AGBL1: variants seen among roughly 807,000 people sequenced by gnomAD.
AGBL1 encodes AGBL carboxypeptidase 1.
In AGBL1, 130 loss-of-function variants were observed where a neutral mutation model predicts 118.9. That is an observed-to-expected ratio of 1.09 (90% confidence interval 0.95 to 1.26). The LOEUF is 1.26. Ranked by LOEUF, AGBL1 falls within the 50% of genes most tolerant of loss-of-function variation. AGBL1 has a pLI of 0.00. For missense variants in AGBL1, 1,584 were observed against 1,298.1 expected, an observed-to-expected ratio of 1.22 and a Z score of -3.38; for synonymous variants, 555 against 478.9, an observed-to-expected ratio of 1.16 and a Z score of -2.08.
chr15:86,954,776 C>T (rs774254335), intron 23 of AGBL1, among the ~76,000 whole-genome samples: 1 of 152,152 alleles, frequency 6.6e-6, no homozygotes, highest in Non-Finnish European at 1.5e-5. Flanking sequence ...CAATCATGCC[C>T]ATGAACCCTC....
chr15:86,729,792 G>A (rs2077504032), intron 22 of AGBL1, among the ~76,000 whole-genome samples: 1 of 152,172 alleles, frequency 6.6e-6, no homozygotes, highest in African/African-American at 2.4e-5. Flanking sequence ...TATATACTCA[G>A]TAATGGGATT....
intron 5 of AGBL1, among the ~76,000 whole-genome samples, chr15:86,160,152 A>G (rs1311115947): frequency 1.5e-5 from 2 of 135,296 alleles, no homozygotes; most frequent in African/African-American, 5.6e-5. Flanking sequence ...AGGAGGGGTC[A>G]GTGTTCTATG....
chr15:86,766,290 A>C (rs1359587992), intron 22 of AGBL1, among the ~76,000 whole-genome samples: 1 of 151,872 alleles, frequency 6.6e-6, no homozygotes, highest in East Asian at 1.9e-4. Flanking sequence ...TTTTATGTTT[A>C]ATGCAATTTA....
intron 7 of AGBL1, among the ~76,000 whole-genome samples, chr15:86,255,166 G>C (rs1437022730): frequency 1.3e-5 from 2 of 152,104 alleles, no homozygotes; most frequent in African/African-American, 2.4e-5. Flanking sequence ...CTCTACCAAG[G>C]TTGGAGCTTA....
intron 22 of AGBL1, among the ~76,000 whole-genome samples, chr15:86,881,547 G>A (rs1422431277): frequency 5.3e-5 from 8 of 152,122 alleles, no homozygotes; most frequent in Admixed American, 2.0e-4. Context: ...ACACCTTGCC[G>A]AGGTTACTGT....
chr15:86,123,827 G>C (rs1269368219), intron 1 of AGBL1, among the ~76,000 whole-genome samples: 1 of 152,170 alleles, frequency 6.6e-6, no homozygotes, highest in Non-Finnish European at 1.5e-5. Flanking sequence ...CTGTTCACTT[G>C]TATTTGGTTC....
intron 21 of AGBL1, among the ~76,000 whole-genome samples, chr15:86,588,985 A>G (rs1036082094): frequency 6.6e-6 from 1 of 151,972 alleles, no homozygotes; most frequent in Non-Finnish European, 1.5e-5. Context: ...CACAATTTTT[A>G]TTTTTTATGT....
chr15:86,649,700 TG>T (rs1406884111), intron 21 of AGBL1, among the ~76,000 whole-genome samples: 2 of 143,634 alleles, frequency 1.4e-5, no homozygotes, highest in African/African-American at 5.6e-5. Flanking sequence ...AGGATTAATT[TG>T]GGTTTTTTTT....
In AGBL1 at chr15:86,690,265, A is replaced by C. The variant is rs75827925; in HGVS notation, c.3158+15829A>C. Among the ~76,000 whole-genome samples, 15 of 152,238 alleles carry C rather than the reference A, an allele frequency of 9.9e-5. No individual in the cohort carries two copies. In the East Asian group the frequency reaches 2.7e-3, roughly 28 times the overall value. ...TTTATTAATCTCTGATACTACAAAG[A>C]CCTGTCTGATGATCACAGATGCCCC... On this transcript the variant is annotated intron_variant, in intron 22 of 22. Coordinates refer to ENST00000614907, the MANE Select transcript of AGBL1 (RefSeq NM_001386094.1).
chr15:86,211,440 C>T lies in AGBL1; in HGVS notation c.489-13474C>T, dbSNP rs141561088. ...CTTTTGTTCAGCTACGCCCTGCCCC[C>T]AGAGCTGGGGTCTACAGAGGCAGCA... On this transcript the variant is annotated intron_variant, in intron 5 of 22. Transcript: ENST00000614907. Among the ~76,000 whole-genome samples the T allele has an allele frequency of 8.0e-3, 1,219 of 152,340 alleles. 15 individuals carry two copies. Among genetic ancestry groups the T allele is most frequent in the African/African-American group, 0.028 (1,162 of 41,580 alleles).
chr15:86,778,098 G>T (rs2078284338), intron 22 of AGBL1, among the ~76,000 whole-genome samples: 1 of 152,226 alleles, frequency 6.6e-6, no homozygotes, highest in Non-Finnish European at 1.5e-5. Flanking sequence ...CATGTCAGCA[G>T]GTTCCATGAT....
At chr15:86,343,799 G>A (rs2080496675) in intron 17 of AGBL1, among the ~76,000 whole-genome samples, 1 of 152,084 alleles carries the variant, frequency 6.6e-6, no homozygotes, top group South Asian at 2.1e-4. Flanking sequence ...TCTAGAATGT[G>A]ACCAGCAGGT....
chr15:86,700,975 C>T (rs1423381517), intron 22 of AGBL1, among the ~76,000 whole-genome samples: 1 of 152,120 alleles, frequency 6.6e-6, no homozygotes, highest in Non-Finnish European at 1.5e-5. Flanking sequence ...AGCATCCTCC[C>T]CAGTCGTGCT....
chr15:86,854,521 A>C (rs192491329), intron 22 of AGBL1, among the ~76,000 whole-genome samples: 15 of 152,170 alleles, frequency 9.9e-5, no homozygotes, highest in Admixed American at 7.2e-4. Context: ...ATGTTCATCT[A>C]TGTCCCAAAT....
intron 18 of AGBL1, among the ~76,000 whole-genome samples, chr15:86,465,853 C>A (rs1337516571): frequency 6.6e-6 from 1 of 152,202 alleles, no homozygotes; most frequent in Admixed American, 6.5e-5. Context: ...GCCTTGTGAT[C>A]TCACTCTGCC....
Position 86,279,789 on chromosome 15 carries a change from T to G in AGBL1, c.2220+6T>G. On this transcript the variant is annotated splice_donor_region_variant and intron_variant, in intron 16 of 22. Transcript: ENST00000614907. ...ATACCTACACAGCCCTCATGGTAACTTCCTCTTTATAGCATCACTCCAGCA... is the reference window on the plus strand; with the variant it reads ...ATACCTACACAGCCCTCATGGTAACGTCCTCTTTATAGCATCACTCCAGCA... 1 of 1,613,452 alleles carries G rather than the reference T, an allele frequency of 6.2e-7. No individual in the cohort carries two copies. The highest frequency in any genetic ancestry group is 8.5e-7 in the Non-Finnish European group (1 of 1,179,536).
At chr15:86,676,799 T>C (rs1165165316) in intron 22 of AGBL1, among the ~76,000 whole-genome samples, 1 of 152,112 alleles carries the variant, frequency 6.6e-6, no homozygotes, top group African/African-American at 2.4e-5. Context: ...TCCAAAGGTC[T>C]GCCCTAAAGA....
chr15:86,988,282 C>T (rs2081303825), intron 24 of AGBL1: 1 of 574,788 alleles, frequency 1.7e-6, no homozygotes, highest in Non-Finnish European at 3.0e-6. Flanking sequence ...GATTTACATT[C>T]ACACAAATGA....
rs138527054 is a variant in AGBL1 at position 86,992,891 on chromosome 15, G to A, written c.3323+4803G>A. Reference sequence around the variant, plus strand: ...TGTTATCTAGTCATAGTTTCCTTACGGGTGACTGTTTTAAATGGCAGGAAT... The same window carrying A: ...TGTTATCTAGTCATAGTTTCCTTACAGGTGACTGTTTTAAATGGCAGGAAT... On this transcript the variant is annotated intron_variant, in intron 24 of 24. Transcript: ENST00000441037. 2.5e-3 allele frequency among the ~76,000 whole-genome samples: 380 copies of A among 152,022 alleles called. 1 individual carries two copies. The highest frequency in any genetic ancestry group is 0.017 in the Middle Eastern group (5 of 294).
Sources: allele counts gnomAD v4.1 joint callset (sites outside exome capture counted in the v4.1 genomes callset), GRCh38; gene constraint gnomAD v4.1.1; transcripts MANE v1.5; gene names NCBI Gene and HGNC (gene_info 2026-07-23, HGNC 2026-07-21).